Variants in DGKB observed in about 807,000 individuals in gnomAD.
The protein encoded by DGKB is diacylglycerol kinase beta, also known as 90 kDa diacylglycerol kinase.
A neutral mutation model predicts 114.3 loss-of-function variants in DGKB; 67 were observed. The ratio of observed to expected loss-of-function variants is 0.59; its 90% CI spans 0.48 to 0.72. DGKB has a LOEUF of 0.72. Ranked by LOEUF, DGKB falls within the 30% of genes least tolerant of loss-of-function variation. The probability of loss-of-function intolerance (pLI) is 0.00; values close to 1 mark genes in which losing one functional copy is unlikely to be tolerated. For synonymous variants in DGKB, 398 were observed against 323.1 expected, an observed-to-expected ratio of 1.23 and a Z score of -2.49; for missense variants, 907 against 975.2, an observed-to-expected ratio of 0.93 and a Z score of 0.93.
intron 23 of DGKB, among the ~76,000 whole-genome samples, chr7:14,216,492 G>A (rs752981604): frequency 1.3e-5 from 2 of 152,008 alleles, no homozygotes; most frequent in Non-Finnish European, 2.9e-5. Flanking sequence ...TTGGGAGGCC[G>A]AGGTGGGTGG....
At chr7:14,938,282 A>T (rs976649969) in intron 1 of DGKB, among the ~76,000 whole-genome samples, 1 of 152,178 alleles carries the variant, frequency 6.6e-6, no homozygotes, top group Admixed American at 6.5e-5. Flanking sequence ...TCTGAATATA[A>T]TTTTAAAGGT....
chr7:14,387,806 C>T (rs1181260173), intron 21 of DGKB, among the ~76,000 whole-genome samples: 2 of 151,424 alleles, frequency 1.3e-5, no homozygotes, highest in Non-Finnish European at 2.9e-5. Flanking sequence ...TCTCAATAAT[C>T]TTATAAGGTG....
chr7:14,346,977 G>C (rs1021942724), intron 21 of DGKB, among the ~76,000 whole-genome samples: 2 of 152,060 alleles, frequency 1.3e-5, no homozygotes, highest in African/African-American at 2.4e-5. Context: ...AGACCTTCCA[G>C]GATTGATTCA....
intron 23 of DGKB, among the ~76,000 whole-genome samples, chr7:14,309,001 A>G (rs1804929080): frequency 6.6e-6 from 1 of 152,168 alleles, no homozygotes; most frequent in Non-Finnish European, 1.5e-5. Flanking sequence ...GGATCGCTTG[A>G]GCCCAGGAGT....
chr7:14,628,105 T>G (rs562268417), intron 14 of DGKB, among the ~76,000 whole-genome samples: 1 of 152,298 alleles, frequency 6.6e-6, no homozygotes, highest in South Asian at 2.1e-4. Flanking sequence ...CATTGTCTCT[T>G]TCTACCACCT....
intron 1 of DGKB, among the ~76,000 whole-genome samples, chr7:14,872,637 T>C (rs1007723641): frequency 6.6e-6 from 1 of 152,032 alleles, no homozygotes; most frequent in African/African-American, 2.4e-5. Context: ...AGAAACTAAG[T>C]TGTTGCAAAA....
intron 13 of DGKB, among the ~76,000 whole-genome samples, chr7:14,653,479 A>G (rs1367225631): frequency 2.0e-5 from 3 of 151,140 alleles, no homozygotes; most frequent in East Asian, 2.0e-4. Context: ...CACAGGAAGG[A>G]GAATATCACA....
intron 9 of DGKB, among the ~76,000 whole-genome samples, chr7:14,693,458 C>A (rs1402900622): frequency 2.0e-5 from 3 of 151,770 alleles, no homozygotes; most frequent in Non-Finnish European, 4.4e-5. Flanking sequence ...TATTTAATTG[C>A]AACTAGAGGA....
At position 14,403,957 on chromosome 7, in the gene DGKB, A is replaced by G. The variant is rs1006998909; in HGVS notation, c.1836-58566T>C. On this transcript the variant is annotated intron_variant, in intron 21 of 25. Transcript: ENST00000402815. ...ATGATACCCCACTTAAATAATTATT[A>G]TAATTCCTTAGGCACCAGAATAAAA... Among the ~76,000 whole-genome samples, 9 of 151,994 alleles carry G rather than the reference A, an allele frequency of 5.9e-5. 2 individuals carry two copies.
rs529441382 is a variant in DGKB, at chr7:14,256,817, A to G, written c.2123-78666T>C. 3.1e-3 allele frequency among the ~76,000 whole-genome samples: 449 copies of G among 143,954 alleles called. 3 individuals carry two copies. The highest frequency in any genetic ancestry group is 0.011 in the African/African-American group (430 of 40,546). 94.4% of individuals were successfully genotyped at this position (143,954 alleles called of 152,430 possible). On this transcript the variant is annotated intron_variant, in intron 23 of 25. Coordinates refer to ENST00000402815, the MANE Select transcript of DGKB (RefSeq NM_001350709.2). ...AGTGAGGAAAGGGTGAGCAAGGGCC[A>G]GGGCCAATAAGCTTCTCCTTGGTTT...
intron 23 of DGKB, among the ~76,000 whole-genome samples, chr7:14,298,731 A>C (rs1424023781): frequency 6.6e-6 from 1 of 152,230 alleles, no homozygotes; most frequent in Non-Finnish European, 1.5e-5. Context: ...ACAGCAAAAG[A>C]AACTACCATC....
rs77521614 is a variant in DGKB at position 14,862,305 on chromosome 7, A to G, written c.-187-20855T>C. Among the ~76,000 whole-genome samples the G allele has an allele frequency of 1.3e-3, 204 of 152,202 alleles. 3 individuals carry two copies. The East Asian group carries it at 0.037, about 28-fold the overall frequency. Reference sequence around the variant, plus strand: ...ACTGTGTGTATGTATGTGTATGTACATGATAGGGACACTAAATGTTACCCT... The same window carrying G: ...ACTGTGTGTATGTATGTGTATGTACGTGATAGGGACACTAAATGTTACCCT... On this transcript the variant is annotated intron_variant, in intron 1 of 25. Coordinates refer to ENST00000402815, the MANE Select transcript of DGKB (RefSeq NM_001350709.2).
At chr7:14,401,467 A>G (rs1275561003) in intron 21 of DGKB, among the ~76,000 whole-genome samples, 1 of 151,924 alleles carries the variant, frequency 6.6e-6, no homozygotes, top group Admixed American at 6.6e-5. Context: ...AGCTGAAAAA[A>G]TAACTGTGAG....
chr7:14,492,645 T>G (rs1258479866), intron 20 of DGKB, among the ~76,000 whole-genome samples: 1 of 152,064 alleles, frequency 6.6e-6, no homozygotes, highest in Non-Finnish European at 1.5e-5. Context: ...ATGATGGGTT[T>G]CTACAGTTCT....
intron 21 of DGKB, among the ~76,000 whole-genome samples, chr7:14,451,792 C>T (rs772814006): frequency 1.2e-4 from 18 of 152,046 alleles, no homozygotes; most frequent in Admixed American, 8.5e-4. Context: ...TTTTAATGAA[C>T]AAGATCAGCT....
chr7:14,609,777 T>C (rs1441650892), intron 16 of DGKB, among the ~76,000 whole-genome samples: 1 of 151,984 alleles, frequency 6.6e-6, no homozygotes. Context: ...AACATGCTTA[T>C]CATCACTAAT....
chr7:14,641,506 A>G (rs1811797050), intron 13 of DGKB, among the ~76,000 whole-genome samples: 1 of 152,012 alleles, frequency 6.6e-6, no homozygotes, highest in African/African-American at 2.4e-5. Flanking sequence ...GGAAAAAAAA[A>G]AAAGGCTGTG....
chr7:14,605,849 G>C (rs1253786496), intron 17 of DGKB, among the ~76,000 whole-genome samples: 1 of 152,058 alleles, frequency 6.6e-6, no homozygotes, highest in Admixed American at 6.6e-5. Context: ...TATGCAGTAA[G>C]TACATTGTTA....
At chr7:14,225,005 T>C (rs1440428440) in intron 23 of DGKB, among the ~76,000 whole-genome samples, 1 of 152,014 alleles carries the variant, frequency 6.6e-6, no homozygotes, top group Admixed American at 6.6e-5. Flanking sequence ...CCTAGTTGCC[T>C]CTATTCGTGG....
Sources: gnomAD v4.1 joint callset for allele counts (sites outside exome capture counted in the v4.1 genomes callset) on GRCh38, gnomAD v4.1.1 for gene constraint, MANE v1.5 for transcripts, NCBI Gene and HGNC (gene_info 2026-07-23, HGNC 2026-07-21) for gene names.